Variants in MRE11 observed in about 807,000 individuals in gnomAD.
MRE11 encodes the protein double-strand break repair protein MRE11.
In MRE11, 62 loss-of-function variants were observed where a neutral mutation model predicts 91.7. The ratio of observed to expected loss-of-function variants is 0.68; its 90% CI spans 0.55 to 0.84. The LOEUF (loss-of-function observed/expected upper bound fraction) is 0.84, where lower values mean the gene tolerates loss of function less well. Ranked by LOEUF, MRE11 falls within the 40% of genes least tolerant of loss-of-function variation. The pLI is 0.00. For synonymous variants in MRE11, 273 were observed against 271.4 expected, an observed-to-expected ratio of 1.01 and a Z score of -0.06; for missense variants, 796 against 852.9, an observed-to-expected ratio of 0.93 and a Z score of 0.83.
rs541549187 is a variant in MRE11, at chr11:94,418,985, G to T, written c.*1140C>A. On this transcript the variant is annotated 3_prime_UTR_variant, in exon 20 of 20. Coordinates refer to ENST00000323929, the MANE Select transcript of MRE11 (RefSeq NM_005591.4). ...TTGTTTCTACCTATGAAGAAATGTC[G>T]GGCCATTGTACTCCCAAGATGTATA... is the stretch of plus-strand genomic sequence containing the variant. 1 of 230,968 alleles carries T rather than the reference G, an allele frequency of 4.3e-6. No individual in the cohort carries two copies. The highest frequency in any genetic ancestry group is 6.2e-5 in the East Asian group (1 of 16,150). The allele number at this position is 230,968 out of a possible 1,614,324, so 14.3% of individuals were successfully genotyped here.
At chr11:94,468,893 T>C (rs1300620574) in intron 9 of MRE11, among the ~76,000 whole-genome samples, 4 of 152,140 alleles carry the variant, frequency 2.6e-5, no homozygotes, top group Non-Finnish European at 5.9e-5. Flanking sequence ...TATAAGAATA[T>C]GATCTCCTAG....
At position 94,459,579 on chromosome 11, in the gene MRE11, A is replaced by G. The variant is rs1429724253; in HGVS notation, c.1329T>C (p.Asn443=). 6.2e-7 allele frequency: 1 copy of G among 1,613,716 alleles called. No individual in the cohort carries two copies. The highest frequency in any genetic ancestry group is 8.5e-7 in the Non-Finnish European group (1 of 1,179,762). Residue 443 remains asparagine, a splice_region_variant and synonymous_variant, in exon 13 of 20, where the codon AAT becomes AAC. Transcript: ENST00000323929. The stretch of plus-strand genomic sequence containing the variant: ...TTTCTGTTAGCAGTGAGAGCTGCAC[A>G]TTCTGTAAGATACAAATCACTGGAT... The part of the protein sequence containing the change: ...VKQYFQTAEK[N]VQLSLLTERG...
chr11:94,497,208 C>A, upstream of MRE11: 1 of 541,154 alleles, frequency 1.8e-6, no homozygotes, highest in Non-Finnish European at 3.2e-6. Context: ...TCATTAGGAT[C>A]ATTTAGGAAA....
chr11:94,495,491 T>A (rs1591734771), upstream of MRE11, among the ~76,000 whole-genome samples: 1 of 152,034 alleles, frequency 6.6e-6, no homozygotes, highest in African/African-American at 2.4e-5. Flanking sequence ...AATGAGAGGA[T>A]CAAGAAAGAA....
At chr11:94,455,956 G>A (rs1282154911) in intron 14 of MRE11, among the ~76,000 whole-genome samples, 6 of 152,082 alleles carry the variant, frequency 3.9e-5, no homozygotes, top group Admixed American at 3.3e-4. Flanking sequence ...GTGTGGTGGT[G>A]CAGCCATAGT....
At chr11:94,461,502 A>G (rs942664195) in intron 11 of MRE11, among the ~76,000 whole-genome samples, 2 of 152,140 alleles carry the variant, frequency 1.3e-5, no homozygotes, top group African/African-American at 4.8e-5. Context: ...TGACAAACCC[A>G]CAACCAATAT....
rs544754514 is a variant in MRE11 at position 94,416,237 on chromosome 11, T to A, written c.*3888A>T. Reference sequence around the variant, plus strand: ...CACATTTTAATACACATTCAATGTCTGAATTTGAAGAATAAAAATGCATTG... The same window carrying A: ...CACATTTTAATACACATTCAATGTCAGAATTTGAAGAATAAAAATGCATTG... On this transcript the variant is annotated 3_prime_UTR_variant, in exon 20 of 20. Transcript: ENST00000323929. 6.6e-5 allele frequency: 10 copies of A among 152,332 alleles called. No homozygotes were observed. Among genetic ancestry groups the A allele is most frequent in the Admixed American group, 3.9e-4 (6 of 15,310 alleles). 9.4% of individuals were successfully genotyped at this position (152,332 alleles called of 1,614,324 possible). A position where few individuals can be genotyped will look rare whatever the true frequency, so the allele number is the denominator to read the frequency against.
chr11:94,489,024 C>T (rs1309389471), intron 3 of MRE11, among the ~76,000 whole-genome samples: 1 of 152,010 alleles, frequency 6.6e-6, no homozygotes, highest in Non-Finnish European at 1.5e-5. Context: ...TCTTTCTAAG[C>T]ACTAAGATAC....
chr11:94,430,880 G>A (rs1402808665), intron 18 of MRE11, among the ~76,000 whole-genome samples: 2 of 151,976 alleles, frequency 1.3e-5, no homozygotes, highest in Non-Finnish European at 2.9e-5. Context: ...CCACCACCAG[G>A]TTTTGTTTTT....
At chr11:94,422,817 G>A (rs1288933927) in intron 19 of MRE11, among the ~76,000 whole-genome samples, 3 of 151,920 alleles carry the variant, frequency 2.0e-5, no homozygotes, top group Non-Finnish European at 2.9e-5. Flanking sequence ...AGGTTCAAGC[G>A]ATTCTCCTGC....
rs1945911171 is a variant in MRE11, at chr11:94,445,814, T to C, written c.1863A>G (p.Ile621Met). The C allele has an allele frequency of 6.2e-7, 1 of 1,606,910 alleles. No individual in the cohort carries two copies. The highest frequency in any genetic ancestry group is 1.3e-5 in the African/African-American group (1 of 74,888). Residue 621 changes from isoleucine (I) to methionine (M), a missense_variant, in exon 16 of 20, where the codon ATA becomes ATG. Coordinates refer to ENST00000323929, the MANE Select transcript of MRE11 (RefSeq NM_005591.4). ...TCACTTGCAGTCTATACTCACCATCTATAATAGACATATTTCTAGATGCTG... is the reference window on the plus strand; with the variant it reads ...TCACTTGCAGTCTATACTCACCATCCATAATAGACATATTTCTAGATGCTG... The part of the protein sequence containing the change: ...AVSASRNMSI[I>M]DAFKSTRQQP...
At chr11:94,453,639 T>C (rs1435080782) in intron 14 of MRE11, among the ~76,000 whole-genome samples, 1 of 152,236 alleles carries the variant, frequency 6.6e-6, no homozygotes, top group African/African-American at 2.4e-5. Flanking sequence ...TTCAAGTCCT[T>C]TGCCCATTGT....
At chr11:94,478,995 T>C in intron 5 of MRE11, 119 bp from the exon 6 acceptor site, 1 of 1,102,674 alleles carries the variant, frequency 9.1e-7, no homozygotes, top group Non-Finnish European at 1.3e-6. Context: ...TAGATGAGGA[T>C]AGTGTCTTCT....
chr11:94,450,680 C>G (rs1410661439), intron 14 of MRE11, among the ~76,000 whole-genome samples: 1 of 152,058 alleles, frequency 6.6e-6, no homozygotes, highest in Non-Finnish European at 1.5e-5. Context: ...AACAAGAATA[C>G]TGAACATCAC....
intron 13 of MRE11, among the ~76,000 whole-genome samples, chr11:94,458,629 TTAATA>T (rs1412419914): frequency 6.6e-6 from 1 of 152,160 alleles, no homozygotes; most frequent in Non-Finnish European, 1.5e-5. Flanking sequence ...CTTAAGCCTC[TTAATA>T]TACTCTGCCA....
At chr11:94,448,534 G>A (rs1946009327) in intron 14 of MRE11, among the ~76,000 whole-genome samples, 1 of 151,988 alleles carries the variant, frequency 6.6e-6, no homozygotes, top group Non-Finnish European at 1.5e-5. Flanking sequence ...GGGAAGCAGT[G>A]GGGAGGGGAG....
chr11:94,485,686 A>G (rs984030208), intron 4 of MRE11, among the ~76,000 whole-genome samples: 2 of 151,336 alleles, frequency 1.3e-5, no homozygotes, highest in Non-Finnish European at 2.9e-5. Context: ...GGCTCACTGC[A>G]ACCTCTGCTT....
chr11:94,458,182 G>GTT (rs767925495), intron 13 of MRE11, among the ~76,000 whole-genome samples: 12 of 138,174 alleles, frequency 8.7e-5, no homozygotes, highest in East Asian at 2.1e-4. Context: ...AAGGGAATGA[G>GTT]TTTTTTTTTT....
the MRE11 span, among the ~76,000 whole-genome samples, chr11:94,506,206 T>C: frequency 1.3e-5 from 2 of 151,472 alleles, no homozygotes; most frequent in African/African-American, 4.9e-5. Flanking sequence ...TGGGTAAGGA[T>C]TGAAAAACTT....
Sources: gnomAD v4.1 joint callset for allele counts (sites outside exome capture counted in the v4.1 genomes callset) on GRCh38, gnomAD v4.1.1 for gene constraint, MANE v1.5 for transcripts, NCBI Gene and HGNC (gene_info 2026-07-23, HGNC 2026-07-21) for gene names.